Variants in UNC79 observed in about 807,000 individuals in gnomAD.
UNC79 encodes the protein unc-79 subunit of NALCN channel complex.
In UNC79, 37 loss-of-function variants were observed where a neutral mutation model predicts 283.1. The ratio of observed to expected loss-of-function variants is 0.13; its 90% CI spans 0.10 to 0.17. The LOEUF is 0.17. Among genes scored for constraint, UNC79 ranks in the 10% least tolerant of loss-of-function variants. UNC79 has a pLI of 1.00. For missense variants in UNC79, 2,272 were observed against 3,211.1 expected (o/e 0.71, Z 7.07); for synonymous variants, 1,107 against 1,200.2 (o/e 0.92, Z 1.61).
rs1157979989 is a variant in UNC79, at chr14:93,477,544, A to G, written c.449-14A>G. ...AAAATATTCAGTGACTGATTACTCA[A>G]TTTTGTTTTGTAGATCTTGGACAGT... On this transcript the variant is annotated splice_polypyrimidine_tract_variant and intron_variant, in intron 3 of 48. Coordinates refer to ENST00000555664, the Ensembl canonical transcript of UNC79. 5.1e-6 allele frequency: 8 copies of G among 1,564,880 alleles called. No individual in the cohort carries two copies. Among genetic ancestry groups the G allele is most frequent in the Admixed American group, 3.8e-5 (2 of 53,158 alleles).
chr14:93,421,590 A>G (rs1179775065), intron 1 of UNC79, among the ~76,000 whole-genome samples: 2 of 151,648 alleles, frequency 1.3e-5, no homozygotes, highest in African/African-American at 2.4e-5. Flanking sequence ...AATATTTCCA[A>G]ATACATCCTA....
chr14:93,391,622 T>C (rs2054885171), intron 1 of UNC79, among the ~76,000 whole-genome samples: 1 of 152,076 alleles, frequency 6.6e-6, no homozygotes, highest in African/African-American at 2.4e-5. Context: ...TGAGACAGAG[T>C]CTTGCTGTGT....
intron 1 of UNC79, among the ~76,000 whole-genome samples, chr14:93,390,216 TATC>T (rs1311770488): frequency 6.6e-6 from 1 of 152,050 alleles, no homozygotes; most frequent in African/African-American, 2.4e-5. Context: ...GCAGAAAAAA[TATC>T]ATATGATCAT....
At chr14:93,479,583 C>A (rs1020741812) in intron 4 of UNC79, among the ~76,000 whole-genome samples, 2 of 152,084 alleles carry the variant, frequency 1.3e-5, no homozygotes, top group Non-Finnish European at 2.9e-5. Flanking sequence ...CAGGCGTGAG[C>A]CACTGCACCT....
At chr14:93,702,031 C>T (rs931747314) in intron 47 of UNC79, among the ~76,000 whole-genome samples, 1 of 152,176 alleles carries the variant, frequency 6.6e-6, no homozygotes, top group Non-Finnish European at 1.5e-5. Flanking sequence ...TCCCAAATAT[C>T]AAGAGGCGTA....
chr14:93,614,094 G>A lies in UNC79; in HGVS notation c.4041+1011G>A, dbSNP rs78635964. Among the ~76,000 whole-genome samples, 1,432 of 151,504 alleles carry A rather than the reference G, an allele frequency of 9.5e-3. 26 individuals are homozygous for A. The highest frequency in any genetic ancestry group is 0.033 in the African/African-American group (1,360 of 41,352). ...GCCTGGTATCATCAAGGGAGCATGG[G>A]AGATTTTTTTCCTTTTGTAAAATAT... On this transcript the variant is annotated intron_variant, in intron 27 of 48. Transcript: ENST00000555664.
chr14:93,416,534 G>T (rs915512107), intron 1 of UNC79, among the ~76,000 whole-genome samples: 1 of 152,122 alleles, frequency 6.6e-6, no homozygotes, highest in African/African-American at 2.4e-5. Context: ...ATGTCTATTA[G>T]GTCTGCTTGG....
chr14:93,595,126 A>G (rs1290624170), intron 23 of UNC79, among the ~76,000 whole-genome samples: 7 of 144,954 alleles, frequency 4.8e-5, no homozygotes, highest in Non-Finnish European at 9.1e-5. Context: ...GTCTTGCTCT[A>G]TTGCACAAGC....
chr14:93,435,692 C>A (rs551580586), intron 1 of UNC79, among the ~76,000 whole-genome samples: 2 of 152,104 alleles, frequency 1.3e-5, no homozygotes, highest in African/African-American at 4.8e-5. Flanking sequence ...TTATCCAAGT[C>A]AAAAAATCAG....
At chr14:93,424,702 CAG>C (rs1044841196) in intron 1 of UNC79, among the ~76,000 whole-genome samples, 1 of 149,140 alleles carries the variant, frequency 6.7e-6, no homozygotes, top group Non-Finnish European at 1.5e-5. Flanking sequence ...GGATGGTTAA[CAG>C]AGTCAGGGAA....
At chr14:93,378,083 C>T (rs879276696) in intron 1 of UNC79, among the ~76,000 whole-genome samples, 10 of 152,122 alleles carry the variant, frequency 6.6e-5, no homozygotes, top group East Asian at 3.8e-4. Flanking sequence ...AAATAAGCCA[C>T]GGGATTAGGA....
intron 1 of UNC79, among the ~76,000 whole-genome samples, chr14:93,464,009 C>T (rs1268863181): frequency 2.0e-5 from 3 of 151,926 alleles, no homozygotes; most frequent in African/African-American, 4.8e-5. Flanking sequence ...ATTAGCCGGG[C>T]GTGGTGGTGG....
chr14:93,366,995 C>T (rs112951717), intron 1 of UNC79, among the ~76,000 whole-genome samples: 3 of 152,184 alleles, frequency 2.0e-5, no homozygotes, highest in Non-Finnish European at 4.4e-5. Context: ...TCCCAGTGTT[C>T]CTGAGCCTCT....
In UNC79 at chr14:93,524,046, C is replaced by T. The variant is rs1291262804; in HGVS notation, c.963+4C>T. 1 of 1,614,042 alleles carries T rather than the reference C, an allele frequency of 6.2e-7. No individual in the cohort carries two copies. The highest frequency in any genetic ancestry group is 1.1e-5 in the South Asian group (1 of 91,072). On this transcript the variant is annotated splice_donor_region_variant and intron_variant, in intron 8 of 48. Coordinates refer to ENST00000555664, the Ensembl canonical transcript of UNC79. ...AATTAACAAACCAGCTGTGAAGGTA[C>T]TGTTTTATTAGACCTGGTGCCATAC...
chr14:93,528,355 A>G (rs2060639922), intron 8 of UNC79, among the ~76,000 whole-genome samples: 1 of 152,242 alleles, frequency 6.6e-6, no homozygotes. Flanking sequence ...ATGAAAAACC[A>G]CGGCAGCCAC....
chr14:93,408,290 A>G (rs781532195), intron 1 of UNC79, among the ~76,000 whole-genome samples: 12 of 152,250 alleles, frequency 7.9e-5, no homozygotes, highest in Non-Finnish European at 1.5e-4. Context: ...AGGAAATGCT[A>G]GAAGTAGAAA....
intron 14 of UNC79, among the ~76,000 whole-genome samples, chr14:93,559,990 A>G (rs536178825): frequency 2.4e-4 from 36 of 152,170 alleles, no homozygotes; most frequent in African/African-American, 7.7e-4. Context: ...TTGGGAACCT[A>G]GAGTAGGAGA....
chr14:93,386,017 A>G (rs2139997765), intron 1 of UNC79, among the ~76,000 whole-genome samples: 1 of 152,246 alleles, frequency 6.6e-6, no homozygotes, highest in Middle Eastern at 3.4e-3. Context: ...TTGTTGAATA[A>G]CAGTGATGAC....
At chr14:93,488,183 A>G (rs146525141) in intron 5 of UNC79, among the ~76,000 whole-genome samples, 72 of 152,344 alleles carry the variant, frequency 4.7e-4, no homozygotes, top group African/African-American at 1.6e-3. Flanking sequence ...GGGATTAATG[A>G]GTTAAAGGAC....
Sources: gnomAD v4.1 joint callset for allele counts (sites outside exome capture counted in the v4.1 genomes callset) on GRCh38, gnomAD v4.1.1 for gene constraint, MANE v1.5 for transcripts, NCBI Gene and HGNC (gene_info 2026-07-23, HGNC 2026-07-21) for gene names.